EPHA6: variants seen among roughly 807,000 people sequenced by gnomAD.
EPHA6 encodes EPH receptor A6, also known as ephrin type-A receptor 6.
A neutral mutation model predicts 112.0 loss-of-function variants in EPHA6; 50 were observed. That is an observed-to-expected ratio of 0.45 (90% CI 0.36 to 0.56). EPHA6 has a LOEUF of 0.56. EPHA6 is among the 20% of genes least tolerant of loss of function. EPHA6 has a pLI of 0.00. For synonymous variants in EPHA6, 529 were observed against 490.7 expected (o/e 1.08, Z -1.03); for missense variants, 1,280 against 1,417.4 (o/e 0.90, Z 1.56).
chr3:97,337,000 G>A (rs563203082), intron 5 of EPHA6, among the ~76,000 whole-genome samples: 11 of 151,660 alleles, frequency 7.3e-5, no homozygotes, highest in African/African-American at 1.9e-4. Context: ...GTAAAAAATC[G>A]ATATTTCATA....
At chr3:97,670,096 G>A (rs991861768) in intron 14 of EPHA6, among the ~76,000 whole-genome samples, 9 of 152,246 alleles carry the variant, frequency 5.9e-5, no homozygotes, top group Non-Finnish European at 1.3e-4. Flanking sequence ...AGATAATGAA[G>A]ACTTAGCTAT....
intron 7 of EPHA6, among the ~76,000 whole-genome samples, chr3:97,473,922 T>G (rs76391522): frequency 0.021 from 3,117 of 151,974 alleles, 102 homozygotes; most frequent in African/African-American, 0.069. Context: ...TAAATCATAG[T>G]GACTAAGTTC....
intron 7 of EPHA6, among the ~76,000 whole-genome samples, chr3:97,463,375 T>A (rs1577480725): frequency 6.6e-6 from 1 of 152,262 alleles, no homozygotes; most frequent in African/African-American, 2.4e-5. Flanking sequence ...CTCTTCTTCC[T>A]AAGAGCATTT....
chr3:96,914,189 A>T (rs924215510), intron 2 of EPHA6, among the ~76,000 whole-genome samples: 1 of 152,154 alleles, frequency 6.6e-6, no homozygotes, highest in African/African-American at 2.4e-5. Flanking sequence ...CCTGCTGTTT[A>T]TAATTTGTTA....
chr3:96,940,624 A>C (rs1040478209), intron 2 of EPHA6, among the ~76,000 whole-genome samples: 6 of 152,116 alleles, frequency 3.9e-5, no homozygotes, highest in Non-Finnish European at 8.8e-5. Context: ...GTTATGTGTG[A>C]ATTTGATCCT....
chr3:97,639,632 A>ACTACTT, intron 14 of EPHA6, among the ~76,000 whole-genome samples: 1 of 152,298 alleles, frequency 6.6e-6, no homozygotes, highest in African/African-American at 2.4e-5. Context: ...TGCTTTTTAA[A>ACTACTT]ATGGTAAGCT....
Position 97,328,075 on chromosome 3 carries a change from A to ATATATG in EPHA6, c.1607-77071_1607-77070insTGTATA, listed in dbSNP as rs1451840006. Among the ~76,000 whole-genome samples, 203 of 146,208 alleles carry ATATATG rather than the reference A, an allele frequency of 1.4e-3. 2 individuals are homozygous for ATATATG. Among genetic ancestry groups the ATATATG allele is most frequent in the African/African-American group, 4.9e-3 (196 of 39,908 alleles). ...TACACATATATATATATATATATAT[A>ATATATG]TATAACCTGTTTTGTATAATCATTC... On this transcript the variant is annotated intron_variant, in intron 5 of 17. Transcript: ENST00000389672.
chr3:97,460,490 T>C (rs1397012743), intron 7 of EPHA6, among the ~76,000 whole-genome samples: 1 of 152,192 alleles, frequency 6.6e-6, no homozygotes, highest in East Asian at 1.9e-4. Flanking sequence ...TCTAGAGAGA[T>C]GAGAAAGACA....
At chr3:96,839,178 G>C in intron 1 of EPHA6, among the ~76,000 whole-genome samples, 1 of 152,132 alleles carries the variant, frequency 6.6e-6, no homozygotes, top group East Asian at 1.9e-4. Flanking sequence ...CTGGGCTGCA[G>C]ACTGGTACTA....
At chr3:97,250,615 TTAAG>T (rs2108595823) in intron 5 of EPHA6, among the ~76,000 whole-genome samples, 1 of 152,316 alleles carries the variant, frequency 6.6e-6, no homozygotes, top group South Asian at 2.1e-4. Flanking sequence ...TAAATTGAAA[TTAAG>T]TGTGTGCATG....
At chr3:97,292,177 A>G (rs2080709021) in intron 5 of EPHA6, among the ~76,000 whole-genome samples, 1 of 152,234 alleles carries the variant, frequency 6.6e-6, no homozygotes, top group Admixed American at 6.5e-5. Flanking sequence ...GGGGAACCTG[A>G]TGGCACCCGA....
chr3:97,271,978 T>C (rs1018445088), intron 5 of EPHA6, among the ~76,000 whole-genome samples: 2 of 152,234 alleles, frequency 1.3e-5, no homozygotes, highest in Non-Finnish European at 2.9e-5. Context: ...ATTTACAGTA[T>C]ACAGTATTGT....
At chr3:97,281,693 G>A (rs1263093052) in intron 5 of EPHA6, among the ~76,000 whole-genome samples, 1 of 152,008 alleles carries the variant, frequency 6.6e-6, no homozygotes, top group Non-Finnish European at 1.5e-5. Flanking sequence ...TTTATTCAGT[G>A]CTTTATATGG....
At chr3:97,021,141 G>T (rs1460323625) in intron 3 of EPHA6, among the ~76,000 whole-genome samples, 1 of 152,172 alleles carries the variant, frequency 6.6e-6, no homozygotes, top group Admixed American at 6.5e-5. Context: ...CTGCAAATGT[G>T]TTCCTTCCTC....
chr3:97,451,201 T>C (rs1187150973), intron 7 of EPHA6, among the ~76,000 whole-genome samples: 4 of 152,020 alleles, frequency 2.6e-5, no homozygotes, highest in Admixed American at 6.6e-5. Flanking sequence ...TCAGGATCCA[T>C]TGGTGAATTC....
At chr3:97,053,081 G>C (rs2045738079) in intron 3 of EPHA6, among the ~76,000 whole-genome samples, 1 of 151,928 alleles carries the variant, frequency 6.6e-6, no homozygotes, top group African/African-American at 2.4e-5. Flanking sequence ...AAAAGCATAG[G>C]GATTAATTAA....
At chr3:97,241,037 C>A (rs1043278329) in intron 4 of EPHA6, among the ~76,000 whole-genome samples, 2 of 151,196 alleles carry the variant, frequency 1.3e-5, no homozygotes, top group African/African-American at 4.9e-5. Context: ...TGGGACCTAC[C>A]GGGACAGATG....
chr3:97,255,028 T>A (rs996721846), intron 5 of EPHA6, among the ~76,000 whole-genome samples: 1 of 152,158 alleles, frequency 6.6e-6, no homozygotes, highest in Non-Finnish European at 1.5e-5. Context: ...TGTTCTCCAA[T>A]TCTTTATTTT....
At chr3:97,160,299 G>A (rs749682789) in intron 3 of EPHA6, among the ~76,000 whole-genome samples, 1 of 151,978 alleles carries the variant, frequency 6.6e-6, no homozygotes, top group African/African-American at 2.4e-5. Flanking sequence ...TCTGTTTTTA[G>A]ATGGAATCTC....
Sources: gnomAD v4.1 joint callset for allele counts (sites outside exome capture counted in the v4.1 genomes callset) on GRCh38, gnomAD v4.1.1 for gene constraint, MANE v1.5 for transcripts, NCBI Gene and HGNC (gene_info 2026-07-23, HGNC 2026-07-21) for gene names.